The following GABRB1 variants were observed in gnomAD, a reference collection of about 807,000 sequenced individuals.
The protein encoded by GABRB1 is gamma-aminobutyric acid type A receptor subunit beta1, also known as gamma-aminobutyric acid receptor subunit beta-1.
GABRB1 carries 17 observed loss-of-function variants against 51.6 expected under a neutral mutation model. That is an observed-to-expected ratio of 0.33 (90% confidence interval 0.23 to 0.49). The LOEUF is 0.49. GABRB1 is among the 20% of genes least tolerant of loss of function. GABRB1 has a pLI of 0.99. For synonymous variants in GABRB1, 247 were observed against 218.9 expected (o/e 1.13, Z -1.14); for missense variants, 410 against 600.6 (o/e 0.68, Z 3.32).
Position 47,174,643 on chromosome 4 carries a change from G to A in GABRB1, c.461+13174G>A, listed in dbSNP as rs986328709. Among the ~76,000 whole-genome samples the A allele has an allele frequency of 2.0e-5, 3 of 152,106 alleles. No individual in the cohort carries two copies. The East Asian group carries it at 5.8e-4, about 29-fold the overall frequency. On this transcript the variant is annotated intron_variant, in intron 4 of 8. Transcript: ENST00000295454. Reference sequence around the variant, plus strand: ...ATGATTTTTTTTTTACTTGATGATAGGTTTATTGGGGATTCTAAATGCATT... The same window carrying A: ...ATGATTTTTTTTTTACTTGATGATAAGTTTATTGGGGATTCTAAATGCATT...
chr4:47,020,596 A>C (rs1724901813), intron 1 of GABRB1, among the ~76,000 whole-genome samples: 1 of 151,970 alleles, frequency 6.6e-6, no homozygotes, highest in Non-Finnish European at 1.5e-5. Flanking sequence ...GTCATCTTTT[A>C]CTCACTTCTT....
chr4:47,010,983 CAGAG>C (rs1345112689), intron 1 of GABRB1, among the ~76,000 whole-genome samples: 1 of 151,888 alleles, frequency 6.6e-6, no homozygotes, highest in Admixed American at 6.6e-5. Context: ...TTGCCACTGA[CAGAG>C]AGTCCTTCTT....
At chr4:47,084,640 T>G (rs1727991027) in intron 3 of GABRB1, among the ~76,000 whole-genome samples, 1 of 152,190 alleles carries the variant, frequency 6.6e-6, no homozygotes, top group South Asian at 2.1e-4. Context: ...TATAATTACT[T>G]TGGGGTTTCC....
intron 4 of GABRB1, among the ~76,000 whole-genome samples, chr4:47,317,985 C>T (rs1372101079): frequency 1.3e-5 from 2 of 151,906 alleles, no homozygotes; most frequent in African/African-American, 2.4e-5. Context: ...ACTTTCATAA[C>T]TTACGTAACA....
chr4:47,327,939 T>C (rs1330031462), intron 5 of GABRB1, among the ~76,000 whole-genome samples: 1 of 152,178 alleles, frequency 6.6e-6, no homozygotes, highest in African/African-American at 2.4e-5. Context: ...AGTGTCAAAG[T>C]GTTCCTATTT....
chr4:47,028,205 C>T (rs370909437), upstream of GABRB1, among the ~76,000 whole-genome samples: 157 of 151,466 alleles, frequency 1.0e-3, 3 homozygotes, highest in South Asian at 0.032. Context: ...CAGGTACATA[C>T]TAGGTGTGTA....
intron 4 of GABRB1, among the ~76,000 whole-genome samples, chr4:47,269,034 A>T (rs557624951): frequency 6.6e-6 from 1 of 152,306 alleles, no homozygotes; most frequent in Non-Finnish European, 1.5e-5. Flanking sequence ...TGGAGTTGAA[A>T]CATGTGCTAC....
At chr4:47,115,682 C>A (rs1031519328) in intron 3 of GABRB1, among the ~76,000 whole-genome samples, 1 of 151,680 alleles carries the variant, frequency 6.6e-6, no homozygotes. Flanking sequence ...TATTTTATAG[C>A]AAATTAGTAA....
Position 47,062,175 on chromosome 4 carries a change from T to C in GABRB1, c.240+29691T>C, listed in dbSNP as rs1726870477. Among the ~76,000 whole-genome samples the C allele has an allele frequency of 2.0e-5, 3 of 152,174 alleles. No homozygotes were observed. The South Asian group carries it at 6.2e-4, about 31-fold the overall frequency. On this transcript the variant is annotated intron_variant, in intron 3 of 8. Transcript: ENST00000295454. ...TTAAGAGGCACTTGTAAGCCATTTA[T>C]ACCAAATTCCACGAAGAACAGAGCT...
At chr4:47,213,682 C>T (rs1416632936) in intron 4 of GABRB1, among the ~76,000 whole-genome samples, 1 of 152,032 alleles carries the variant, frequency 6.6e-6, no homozygotes, top group East Asian at 1.9e-4. Context: ...GAACATTTAT[C>T]AGCTGACATC....
At chr4:47,060,417 A>G (rs1726796832) in intron 3 of GABRB1, among the ~76,000 whole-genome samples, 1 of 152,180 alleles carries the variant, frequency 6.6e-6, no homozygotes, top group African/African-American at 2.4e-5. Context: ...GTATTGCCCC[A>G]TAACCGCAGA....
intron 4 of GABRB1, among the ~76,000 whole-genome samples, chr4:47,283,039 G>A (rs1560313086): frequency 6.6e-6 from 1 of 152,152 alleles, no homozygotes; most frequent in Non-Finnish European, 1.5e-5. Flanking sequence ...GTATGGTTAA[G>A]GAAAGAGTTT....
intron 5 of GABRB1, among the ~76,000 whole-genome samples, chr4:47,332,028 T>A (rs1365869823): frequency 6.6e-6 from 1 of 152,206 alleles, no homozygotes; most frequent in East Asian, 1.9e-4. Context: ...GTGTACTCTA[T>A]CTGGACAGGA....
rs557664077 is a variant in GABRB1 at position 47,316,225 on chromosome 4, TA to T, written c.462-3901del. The stretch of plus-strand genomic sequence containing the variant: ...GGTGGTAATTAATATACTATATGCT[TA>T]TTTTTCCTTTCATCACTCCCTTTTT... On this transcript the variant is annotated intron_variant, in intron 4 of 8. Coordinates refer to ENST00000295454, the MANE Select transcript of GABRB1 (RefSeq NM_000812.4). Among the ~76,000 whole-genome samples, 9 of 151,996 alleles carry T rather than the reference TA, an allele frequency of 5.9e-5. No homozygotes were observed. In the East Asian group the frequency reaches 1.7e-3, roughly 29 times the overall value.
intron 1 of GABRB1, among the ~76,000 whole-genome samples, chr4:47,018,889 A>G (rs1325184535): frequency 6.6e-6 from 1 of 152,144 alleles, no homozygotes; most frequent in East Asian, 1.9e-4. Context: ...AAGTGGACCC[A>G]TGCAATACAC....
intron 1 of GABRB1, among the ~76,000 whole-genome samples, chr4:47,005,897 CA>C (rs1374557022): frequency 6.9e-6 from 1 of 144,610 alleles, no homozygotes; most frequent in African/African-American, 2.5e-5. Context: ...CTTATGAATA[CA>C]AATGTCTTCT....
chr4:47,381,740 C>A (rs1484123396), intron 5 of GABRB1, among the ~76,000 whole-genome samples: 1 of 152,150 alleles, frequency 6.6e-6, no homozygotes, highest in Non-Finnish European at 1.5e-5. Flanking sequence ...TTTTTCTTTC[C>A]TGTCTATTTC....
intron 8 of GABRB1, among the ~76,000 whole-genome samples, chr4:47,424,518 CTA>C (rs1578162522): frequency 6.6e-6 from 1 of 152,142 alleles, no homozygotes; most frequent in African/African-American, 2.4e-5. Context: ...TATTTGCCGC[CTA>C]TGTTTTTCTC....
chr4:47,422,611 G>T (rs1038045322), intron 8 of GABRB1, among the ~76,000 whole-genome samples: 4 of 151,906 alleles, frequency 2.6e-5, no homozygotes, highest in Non-Finnish European at 4.4e-5. Context: ...GATGTTATTT[G>T]TTCTCTACCT....
Sources: allele counts gnomAD v4.1 joint callset (sites outside exome capture counted in the v4.1 genomes callset), GRCh38; gene constraint gnomAD v4.1.1; transcripts MANE v1.5; gene names NCBI Gene and HGNC (gene_info 2026-07-23, HGNC 2026-07-21).